The following BRINP2 variants were observed in gnomAD, a reference collection of about 807,000 sequenced individuals.
BRINP2 encodes BMP/retinoic acid-inducible neural-specific protein 2.
A neutral mutation model predicts 69.2 loss-of-function variants in BRINP2; 21 were observed. The observed-to-expected ratio is 0.30, with a 90% CI of 0.22 to 0.44. The LOEUF (loss-of-function observed/expected upper bound fraction) is 0.44. Among genes scored for constraint, BRINP2 ranks in the 20% least tolerant of loss-of-function variants. The pLI is 1.00. For synonymous variants in BRINP2, 380 were observed against 394.1 expected (o/e 0.96, Z 0.42); for missense variants, 877 against 986.0 (o/e 0.89, Z 1.48).
intron 1 of BRINP2, among the ~76,000 whole-genome samples, chr1:177,228,385 G>A (rs1159436768): frequency 6.6e-6 from 1 of 152,172 alleles, no homozygotes; most frequent in African/African-American, 2.4e-5. Flanking sequence ...TCCAGCCTCT[G>A]TGCAGCCCCT....
intron 1 of BRINP2, among the ~76,000 whole-genome samples, chr1:177,182,107 C>A (rs1451193603): frequency 7.0e-6 from 1 of 141,850 alleles, no homozygotes; most frequent in Admixed American, 7.0e-5. Flanking sequence ...CTGGTGCCGT[C>A]CCTCCCTCCC....
In BRINP2 at chr1:177,267,900, A is replaced by G. The variant is rs1387385885; in HGVS notation, c.670-5588A>G. Among the ~76,000 whole-genome samples, 4 of 152,206 alleles carry G rather than the reference A, an allele frequency of 2.6e-5. No individual in the cohort carries two copies. The East Asian group carries it at 5.8e-4, about 22-fold the overall frequency. On this transcript the variant is annotated intron_variant, in intron 4 of 7. Coordinates refer to ENST00000361539, the MANE Select transcript of BRINP2 (RefSeq NM_021165.4). ...TTGAAGATTCTCTAAGAACACATTG[A>G]AAGTGAGATGAATATTCAGCTTCCA... is the stretch of plus-strand genomic sequence containing the variant.
chr1:177,252,474 G>A (rs1650613491), intron 2 of BRINP2, among the ~76,000 whole-genome samples: 1 of 152,094 alleles, frequency 6.6e-6, no homozygotes, highest in South Asian at 2.1e-4. Context: ...CGGCACAACA[G>A]TGTATTGGTG....
intron 1 of BRINP2, among the ~76,000 whole-genome samples, chr1:177,195,185 T>TTC (rs1438799558): frequency 1.3e-5 from 2 of 152,184 alleles, no homozygotes; most frequent in Non-Finnish European, 2.9e-5. Context: ...ATATAAATTA[T>TTC]TCTCTCAAAG....
chr1:177,216,125 A>C (rs1407318793), intron 1 of BRINP2, among the ~76,000 whole-genome samples: 1 of 152,050 alleles, frequency 6.6e-6, no homozygotes, highest in Non-Finnish European at 1.5e-5. Context: ...GGTAATTATT[A>C]ATAGGTAAAA....
At chr1:177,253,596 CA>C (rs1428948077) in intron 2 of BRINP2, among the ~76,000 whole-genome samples, 2 of 151,904 alleles carry the variant, frequency 1.3e-5, no homozygotes, top group Non-Finnish European at 2.9e-5. Flanking sequence ...AGTTCTTATC[CA>C]AAAAAACTTG....
At chr1:177,209,188 A>G (rs897947089) in intron 1 of BRINP2, among the ~76,000 whole-genome samples, 2 of 152,100 alleles carry the variant, frequency 1.3e-5, no homozygotes, top group East Asian at 1.9e-4. Context: ...CTGTAGGGGA[A>G]GCAAGGGGTT....
intron 1 of BRINP2, among the ~76,000 whole-genome samples, chr1:177,217,829 G>C (rs1649421970): frequency 6.6e-6 from 1 of 152,194 alleles, no homozygotes; most frequent in Non-Finnish European, 1.5e-5. Context: ...ATCACTGGCT[G>C]AGCTCTACTA....
At position 177,255,912 on chromosome 1, in the gene BRINP2, C is replaced by G; in HGVS notation, c.270-7C>G. ...AGCTTTTCCTTATCCCTTGGCTTTTCCCCCAGGGAGTTTGCCCGTTGGAAG... is the reference window on the plus strand; with the variant it reads ...AGCTTTTCCTTATCCCTTGGCTTTTGCCCCAGGGAGTTTGCCCGTTGGAAG... On this transcript the variant is annotated splice_polypyrimidine_tract_variant and splice_region_variant and intron_variant, in intron 2 of 7. Transcript: ENST00000361539. 2 of 1,613,404 alleles carry G rather than the reference C, an allele frequency of 1.2e-6. No individual in the cohort carries two copies. The highest frequency in any genetic ancestry group is 2.2e-5 in the South Asian group (2 of 90,946).
At chr1:177,248,426 AGGTACAGTTTG>A (rs373645881) in intron 2 of BRINP2, among the ~76,000 whole-genome samples, 18 of 150,878 alleles carry the variant, frequency 1.2e-4, no homozygotes, top group African/African-American at 3.9e-4. Context: ...AGCTTCACTG[AGGTACAGTTTG>A]TGTGTGTGTG....
At position 177,191,733 on chromosome 1, in the gene BRINP2, C is replaced by T. The variant is rs140016529; in HGVS notation, c.-77+20001C>T. ...CCTCACAAAGTGCTGGGATTACAGGCGTGAGCCACCACGCCCAGCTCTGGC... is the reference window on the plus strand; with the variant it reads ...CCTCACAAAGTGCTGGGATTACAGGTGTGAGCCACCACGCCCAGCTCTGGC... On this transcript the variant is annotated intron_variant, in intron 1 of 7. Coordinates refer to ENST00000361539, the MANE Select transcript of BRINP2 (RefSeq NM_021165.4). 4.9e-3 allele frequency among the ~76,000 whole-genome samples: 748 copies of T among 152,232 alleles called. 7 individuals carry two copies. The highest frequency in any genetic ancestry group is 0.017 in the African/African-American group (705 of 41,554).
intron 1 of BRINP2, among the ~76,000 whole-genome samples, chr1:177,181,626 G>T (rs1013240145): frequency 2.0e-4 from 30 of 152,192 alleles, no homozygotes; most frequent in African/African-American, 7.0e-4. Flanking sequence ...GACTGTGGGG[G>T]CAGCTAATGT....
chr1:177,254,099 C>T (rs995254326), intron 2 of BRINP2, among the ~76,000 whole-genome samples: 2 of 152,024 alleles, frequency 1.3e-5, no homozygotes, highest in Non-Finnish European at 2.9e-5. Flanking sequence ...ATAAACCTGT[C>T]CCCTTTAAAA....
At chr1:177,241,371 A>C (rs1285350801) in intron 2 of BRINP2, among the ~76,000 whole-genome samples, 1 of 152,004 alleles carries the variant, frequency 6.6e-6, no homozygotes, top group East Asian at 1.9e-4. Flanking sequence ...ATTGGTCCTG[A>C]TTTTGCTTTC....
At chr1:177,209,065 C>T (rs945729142) in intron 1 of BRINP2, among the ~76,000 whole-genome samples, 8 of 152,128 alleles carry the variant, frequency 5.3e-5, no homozygotes, top group South Asian at 2.1e-4. Context: ...TGTGTGTGAC[C>T]GCATGGGTTG....
At chr1:177,234,849 T>C (rs1412587305) in intron 2 of BRINP2, among the ~76,000 whole-genome samples, 1 of 152,210 alleles carries the variant, frequency 6.6e-6, no homozygotes, top group Admixed American at 6.5e-5. Flanking sequence ...TATCATATTG[T>C]GGGATATGTA....
chr1:177,278,316 GT>G (rs1343669761), intron 6 of BRINP2, among the ~76,000 whole-genome samples: 1 of 150,024 alleles, frequency 6.7e-6, no homozygotes, highest in Non-Finnish European at 1.5e-5. Flanking sequence ...GCAGAGATCT[GT>G]TTTGAAATTC....
chr1:177,247,256 T>C (rs923521695), intron 2 of BRINP2, among the ~76,000 whole-genome samples: 1 of 152,216 alleles, frequency 6.6e-6, no homozygotes, highest in African/African-American at 2.4e-5. Flanking sequence ...TGAAACTCAG[T>C]GGTACTTATT....
chr1:177,207,283 A>C (rs1649094351), intron 1 of BRINP2, among the ~76,000 whole-genome samples: 1 of 152,160 alleles, frequency 6.6e-6, no homozygotes, highest in African/African-American at 2.4e-5. Flanking sequence ...CAGCTTGGAA[A>C]AACCAAGCTC....
Sources: gnomAD v4.1 joint callset for allele counts (sites outside exome capture counted in the v4.1 genomes callset) on GRCh38, gnomAD v4.1.1 for gene constraint, MANE v1.5 for transcripts, NCBI Gene and HGNC (gene_info 2026-07-23, HGNC 2026-07-21) for gene names.